AHCYL2: variants seen among roughly 807,000 people sequenced by gnomAD.
The protein encoded by AHCYL2 is adenosylhomocysteinase like 2, also known as S-adenosylhomocysteine hydrolase-like protein 2.
Under a neutral mutation model 81.4 loss-of-function variants are expected in AHCYL2, and 28 were observed. The ratio of observed to expected loss-of-function variants is 0.34; its 90% CI spans 0.25 to 0.47. The LOEUF is 0.47. Ranked by LOEUF, AHCYL2 falls within the 20% of genes least tolerant of loss-of-function variation. AHCYL2 has a pLI of 1.00. For missense variants in AHCYL2, 551 were observed against 785.1 expected, an observed-to-expected ratio of 0.70 and a Z score of 3.56; for synonymous variants, 272 against 290.2, an observed-to-expected ratio of 0.94 and a Z score of 0.64.
chr7:129,387,447 C>T (rs967776456), intron 2 of AHCYL2, among the ~76,000 whole-genome samples: 7 of 152,228 alleles, frequency 4.6e-5, no homozygotes, highest in African/African-American at 1.7e-4. Flanking sequence ...CTCCAGAACA[C>T]ATGACCGCTA....
At chr7:129,402,925 GATTT>G (rs10579412) in intron 6 of AHCYL2, among the ~76,000 whole-genome samples, 42,795 of 151,824 alleles carry the variant, frequency 0.28, 7,418 homozygotes, top group East Asian at 0.59. Context: ...ACCATTTATT[GATTT>G]ATTTTTCTTT....
At chr7:129,256,197 C>G (rs1795414023) in intron 1 of AHCYL2, among the ~76,000 whole-genome samples, 1 of 151,892 alleles carries the variant, frequency 6.6e-6, no homozygotes, top group Non-Finnish European at 1.5e-5. Flanking sequence ...TTAGAAGAAA[C>G]TAATATAGGT....
At chr7:129,345,048 G>A (rs1425248381) in intron 1 of AHCYL2, among the ~76,000 whole-genome samples, 2 of 152,084 alleles carry the variant, frequency 1.3e-5, no homozygotes, top group East Asian at 1.9e-4. Flanking sequence ...CCAGCTACTC[G>A]GGAGGTTGAG....
rs1334430225 is a variant in AHCYL2 at position 129,278,500 on chromosome 7, C to G, written c.363+53061C>G. On this transcript the variant is annotated intron_variant, in intron 1 of 16. Coordinates refer to ENST00000325006, the MANE Select transcript of AHCYL2 (RefSeq NM_015328.4). ...TGATTTGCAAATATTTCCTCCCAGT[C>G]TGTGGCTTATTTTTTTTATTCTCTT... Among the ~76,000 whole-genome samples, 4 of 152,228 alleles carry G rather than the reference C, an allele frequency of 2.6e-5. No individual in the cohort carries two copies. The East Asian group carries it at 7.7e-4, about 29-fold the overall frequency.
intron 1 of AHCYL2, among the ~76,000 whole-genome samples, chr7:129,282,697 A>G (rs1391572305): frequency 6.6e-6 from 1 of 151,662 alleles, no homozygotes; most frequent in East Asian, 1.9e-4. Context: ...TTCATGGGTC[A>G]TATTTTCTTT....
chr7:129,389,106 C>G lies in AHCYL2; in HGVS notation c.526C>G (p.Gln176Glu), dbSNP rs759563174. 15 of 1,613,738 alleles carry G rather than the reference C, an allele frequency of 9.3e-6. No individual in the cohort carries two copies. The East Asian group carries it at 3.3e-4, about 36-fold the overall frequency. Residue 176 changes from glutamine (Q) to glutamate (E), a missense_variant, in exon 3 of 17, where the codon CAG becomes GAG. Around this residue, in one of 2 missense-constraint regions of AHCYL2, gnomAD observed 316 missense variants for 543.1 expected, o/e 0.58. Transcript: ENST00000325006. ...SDDETSPRDK[Q>E]QKNSKGSSDF... ...TGATGAGACATCGCCCAGGGACAAG[C>G]AGCAAAAGAACTCTAAGGGAAGCAG...
At chr7:129,240,763 C>G (rs1794822474) in intron 1 of AHCYL2, among the ~76,000 whole-genome samples, 3 of 152,062 alleles carry the variant, frequency 2.0e-5, no homozygotes, top group Middle Eastern at 3.4e-3. Context: ...TAAGTCTGCC[C>G]AGGATTGGAA....
chr7:129,237,301 G>A (rs1180333690), intron 1 of AHCYL2, among the ~76,000 whole-genome samples: 2 of 152,110 alleles, frequency 1.3e-5, no homozygotes, highest in Non-Finnish European at 2.9e-5. Flanking sequence ...GGGACTATTT[G>A]TAATATGAGA....
At chr7:129,251,473 AT>A (rs1795249318) in intron 1 of AHCYL2, among the ~76,000 whole-genome samples, 1 of 152,076 alleles carries the variant, frequency 6.6e-6, no homozygotes, top group South Asian at 2.1e-4. Flanking sequence ...ATTGTTGTCT[AT>A]TTAGTTTAAA....
At chr7:129,424,729 T>C in intron 13 of AHCYL2, 145 bp from the exon 14 acceptor site, 2 of 755,034 alleles carry the variant, frequency 2.6e-6, no homozygotes, top group South Asian at 3.2e-5. Context: ...AGTCAGTTAG[T>C]TCTTATATAT....
chr7:129,299,044 A>C (rs1584757707), intron 1 of AHCYL2, among the ~76,000 whole-genome samples: 1 of 152,298 alleles, frequency 6.6e-6, no homozygotes, highest in East Asian at 1.9e-4. Flanking sequence ...AAAATACTTA[A>C]TGGAAACCAA....
chr7:129,348,398 C>T (rs183057653), intron 1 of AHCYL2, among the ~76,000 whole-genome samples: 1 of 149,962 alleles, frequency 6.7e-6, no homozygotes, highest in East Asian at 2.0e-4. Context: ...CAATAACCCC[C>T]CCCCCACACA....
chr7:129,353,965 G>A (rs10248810), intron 1 of AHCYL2, among the ~76,000 whole-genome samples: 53,231 of 151,716 alleles, frequency 0.35, 10,074 homozygotes, highest in African/African-American at 0.51. Context: ...ATTAATAACT[G>A]TGTCAAAATC....
At chr7:129,291,470 G>A (rs570769015) in intron 1 of AHCYL2, among the ~76,000 whole-genome samples, 11 of 150,836 alleles carry the variant, frequency 7.3e-5, no homozygotes, top group Non-Finnish European at 1.5e-4. Context: ...TTCTTTTACC[G>A]GAGCCTCTGC....
chr7:129,233,498 T>C (rs1389378179), intron 1 of AHCYL2, among the ~76,000 whole-genome samples: 2 of 152,072 alleles, frequency 1.3e-5, no homozygotes, highest in Non-Finnish European at 2.9e-5. Context: ...TTTCTTTTTC[T>C]CTTTTTTTGA....
At chr7:129,409,088 A>T (rs983981722) in intron 10 of AHCYL2, among the ~76,000 whole-genome samples, 1 of 96,806 alleles carries the variant, frequency 1.0e-5, no homozygotes, top group African/African-American at 3.1e-5. Context: ...TCCCATCTCT[A>T]AAAAAAAAAA....
At chr7:129,239,938 G>A (rs533225437) in intron 1 of AHCYL2, among the ~76,000 whole-genome samples, 7 of 151,770 alleles carry the variant, frequency 4.6e-5, no homozygotes, top group South Asian at 4.2e-4. Context: ...AGAACCCCAC[G>A]GCTGGCCGGA....
intron 1 of AHCYL2, among the ~76,000 whole-genome samples, chr7:129,284,655 A>T (rs2150743527): frequency 6.6e-6 from 1 of 151,994 alleles, no homozygotes; most frequent in East Asian, 1.9e-4. Flanking sequence ...TCCTGAGACA[A>T]TGTGATTCTC....
In AHCYL2 at chr7:129,429,836, C is replaced by T. The variant is rs1797509960; in HGVS notation, c.*2791C>T. On this transcript the variant is annotated 3_prime_UTR_variant, in exon 17 of 17. Transcript: ENST00000325006. The stretch of plus-strand genomic sequence containing the variant: ...CCTGCAAAGCTTTTATGCTGCTTCG[C>T]TTTTCTCTAAACAGATCTGATATTG... 6.6e-6 allele frequency: 1 copy of T among 152,598 alleles called. No individual in the cohort carries two copies. Among genetic ancestry groups the T allele is most frequent in the African/African-American group, 2.4e-5 (1 of 41,448 alleles). The allele number at this position is 152,598 out of a possible 1,614,324, so 9.5% of individuals were successfully genotyped here. A position where few individuals can be genotyped will look rare whatever the true frequency, so the allele number is the denominator to read the frequency against.
Sources: allele counts gnomAD v4.1 joint callset (sites outside exome capture counted in the v4.1 genomes callset), GRCh38; gene constraint gnomAD v4.1.1; regional missense constraint gnomAD v4.1.1; transcripts MANE v1.5; gene names NCBI Gene and HGNC (gene_info 2026-07-23, HGNC 2026-07-21).